The following CLSTN2 variants were observed in gnomAD, a reference collection of about 807,000 sequenced individuals.
CLSTN2 encodes calsyntenin 2, also known as calsyntenin-2.
A neutral mutation model predicts 101.2 loss-of-function variants in CLSTN2; 48 were observed. The ratio of observed to expected loss-of-function variants is 0.47; its 90% CI spans 0.38 to 0.60. The LOEUF (loss-of-function observed/expected upper bound fraction) is 0.60, where lower values mean the gene tolerates loss of function less well. Ranked by LOEUF, CLSTN2 falls within the 20% of genes least tolerant of loss-of-function variation. CLSTN2 has a pLI of 0.00. For missense variants in CLSTN2, 1,160 were observed against 1,238.2 expected (o/e 0.94, Z 0.95); for synonymous variants, 481 against 463.6 (o/e 1.04, Z -0.48).
chr3:140,390,502 C>A (rs1401170205), intron 2 of CLSTN2, among the ~76,000 whole-genome samples: 1 of 152,118 alleles, frequency 6.6e-6, no homozygotes, highest in African/African-American at 2.4e-5. Context: ...TTGATTGAGA[C>A]TTGTTTTATG....
In CLSTN2 at chr3:140,403,813, A is replaced by G. The variant is rs1200411278; in HGVS notation, c.417A>G (p.Lys139=). The change falls in exon 3 of 17, where the codon AAA becomes AAG. Residue 139 remains lysine (K), a synonymous_variant. Coordinates refer to ENST00000458420, the MANE Select transcript of CLSTN2 (RefSeq NM_022131.3). The stretch of plus-strand genomic sequence containing the variant: ...CTGGGCCCCACGAGACAGCCTGGAA[A>G]AAGTCACACAAGTGAGTGGCCTGAC... ...CGAGPHETAW[K]KSHKAVVHIQ... 1 of 1,610,338 alleles carries G rather than the reference A, an allele frequency of 6.2e-7. No homozygotes were observed. Among genetic ancestry groups the G allele is most frequent in the Middle Eastern group, 1.7e-4 (1 of 5,984 alleles).
At chr3:140,522,395 G>A (rs922455944) in intron 8 of CLSTN2, among the ~76,000 whole-genome samples, 3 of 152,308 alleles carry the variant, frequency 2.0e-5, no homozygotes, top group South Asian at 2.1e-4. Flanking sequence ...GTATGGCCTC[G>A]CAAGTCTTAA....
At chr3:140,269,829 A>T (rs1467502343) in intron 2 of CLSTN2, among the ~76,000 whole-genome samples, 1 of 152,186 alleles carries the variant, frequency 6.6e-6, no homozygotes, top group Non-Finnish European at 1.5e-5. Flanking sequence ...TCCATTATTC[A>T]CTAGCTGTCT....
chr3:140,151,091 G>A (rs1021695967), intron 1 of CLSTN2, among the ~76,000 whole-genome samples: 1 of 151,946 alleles, frequency 6.6e-6, no homozygotes, highest in Non-Finnish European at 1.5e-5. Context: ...AAACACAGCA[G>A]GTACTTGATA....
intron 4 of CLSTN2, among the ~76,000 whole-genome samples, chr3:140,415,500 A>AC (rs1474935151): frequency 1.3e-5 from 2 of 151,272 alleles, no homozygotes; most frequent in East Asian, 1.9e-4. Flanking sequence ...AAAAAAAAAA[A>AC]AAAAAAAAAA....
At chr3:140,518,785 C>T (rs111632989) in intron 8 of CLSTN2, among the ~76,000 whole-genome samples, 3,151 of 152,284 alleles carry the variant, frequency 0.021, 46 homozygotes, top group Middle Eastern at 0.044. Flanking sequence ...CTCCACATGT[C>T]GCTCTGTCTG....
At chr3:139,974,755 A>G (rs1357744288) in intron 1 of CLSTN2, among the ~76,000 whole-genome samples, 5 of 152,240 alleles carry the variant, frequency 3.3e-5, no homozygotes, top group African/African-American at 1.2e-4. Flanking sequence ...TAAATTGTAT[A>G]TAAAATCCAT....
At chr3:139,936,200 G>A (rs1433282572) in intron 1 of CLSTN2, among the ~76,000 whole-genome samples, 15 of 152,210 alleles carry the variant, frequency 9.9e-5, no homozygotes, top group Admixed American at 9.8e-4. Context: ...CTAGATCCAA[G>A]CGAACGCCTG....
At chr3:140,111,147 A>C (rs1329496651) in intron 1 of CLSTN2, among the ~76,000 whole-genome samples, 1 of 152,136 alleles carries the variant, frequency 6.6e-6, no homozygotes, top group African/African-American at 2.4e-5. Context: ...TCTATTAGAG[A>C]GACAGTCTGC....
intron 2 of CLSTN2, among the ~76,000 whole-genome samples, chr3:140,379,194 T>A (rs1261095692): frequency 6.6e-6 from 1 of 152,128 alleles, no homozygotes; most frequent in Non-Finnish European, 1.5e-5. Flanking sequence ...TGCTGCTGAG[T>A]GTTTGCCAGC....
intron 2 of CLSTN2, among the ~76,000 whole-genome samples, chr3:140,280,578 A>T (rs546164825): frequency 6.6e-6 from 1 of 152,286 alleles, no homozygotes; most frequent in African/African-American, 2.4e-5. Flanking sequence ...AATGATAAGG[A>T]CATTTTGCTG....
intron 1 of CLSTN2, among the ~76,000 whole-genome samples, chr3:140,111,976 A>C (rs1018751858): frequency 6.6e-6 from 1 of 152,186 alleles, no homozygotes; most frequent in African/African-American, 2.4e-5. Context: ...CTTCAAATCC[A>C]CAGTCCAACC....
At chr3:140,139,684 C>T (rs965386211) in intron 1 of CLSTN2, among the ~76,000 whole-genome samples, 18 of 152,312 alleles carry the variant, frequency 1.2e-4, no homozygotes, top group African/African-American at 3.6e-4. Flanking sequence ...ATATTTAATT[C>T]GATCCGACTC....
intron 2 of CLSTN2, among the ~76,000 whole-genome samples, chr3:140,353,261 ATATG>A (rs1387357340): frequency 3.1e-5 from 4 of 129,168 alleles, no homozygotes; most frequent in African/African-American, 1.1e-4. Flanking sequence ...ATATATATAT[ATATG>A]TTTATTAAGT....
chr3:140,564,081 CT>C lies in CLSTN2; in HGVS notation c.2604del (p.Ala869ProfsTer13), dbSNP rs1198291288. The C allele has an allele frequency of 6.2e-7, 1 of 1,614,116 alleles. No individual in the cohort carries two copies. On this transcript the variant is annotated frameshift_variant, in exon 16 of 17. Coordinates refer to ENST00000458420, the MANE Select transcript of CLSTN2 (RefSeq NM_022131.3). LOFTEE classifies it high-confidence loss of function. Reference sequence around the variant, plus strand: ...CAGCACTTCATCCAGGAGACTGAGGCTGCCAAGGAATCTGAGATGGACTGGG... The same window carrying C: ...CAGCACTTCATCCAGGAGACTGAGGCGCCAAGGAATCTGAGATGGACTGGG... ...AHQHFIQETE[A>X]AKESEMDWDD...
chr3:140,409,700 C>T (rs184269834), intron 4 of CLSTN2, among the ~76,000 whole-genome samples: 157 of 152,176 alleles, frequency 1.0e-3, no homozygotes, highest in African/African-American at 3.6e-3. Context: ...AGTAAGTAAC[C>T]AACTCCAAAG....
At chr3:140,113,584 A>T (rs2009191255) in intron 1 of CLSTN2, among the ~76,000 whole-genome samples, 1 of 152,184 alleles carries the variant, frequency 6.6e-6, no homozygotes, top group Admixed American at 6.5e-5. Flanking sequence ...GAGAAATTGG[A>T]CTGTGGGGTT....
intron 1 of CLSTN2, among the ~76,000 whole-genome samples, chr3:139,995,498 A>G (rs1052515689): frequency 1.3e-5 from 2 of 151,882 alleles, no homozygotes; most frequent in Admixed American, 6.6e-5. Flanking sequence ...CTCTCCCCTT[A>G]CCTTTGATCC....
chr3:140,377,387 C>T (rs985150049), intron 2 of CLSTN2, among the ~76,000 whole-genome samples: 1 of 152,146 alleles, frequency 6.6e-6, no homozygotes, highest in Non-Finnish European at 1.5e-5. Flanking sequence ...TGTAAAACAG[C>T]ATCAGACAAG....
Sources: allele counts gnomAD v4.1 joint callset (sites outside exome capture counted in the v4.1 genomes callset), GRCh38; gene constraint gnomAD v4.1.1; transcripts MANE v1.5; gene names NCBI Gene and HGNC (gene_info 2026-07-23, HGNC 2026-07-21).